POLB: variants seen among roughly 807,000 people sequenced by gnomAD.
The protein encoded by POLB is 5'-dRP lyase.
A neutral mutation model predicts 52.7 loss-of-function variants in POLB; 37 were observed. That is an observed-to-expected ratio of 0.70 (90% CI 0.54 to 0.92). The LOEUF (loss-of-function observed/expected upper bound fraction) is 0.92, where lower values mean the gene tolerates loss of function less well. Ranked by LOEUF, POLB falls within the 40% of genes least tolerant of loss-of-function variation. The pLI, the probability that POLB is intolerant of heterozygous loss-of-function variation, is 0.00. For missense variants in POLB, 313 were observed against 400.8 expected (o/e 0.78, Z 1.87); for synonymous variants, 138 against 131.3 (o/e 1.05, Z -0.35).
chr8:42,359,825 G>C (rs191633248), intron 9 of POLB, among the ~76,000 whole-genome samples: 372 of 151,828 alleles, frequency 2.5e-3, no homozygotes, highest in African/African-American at 8.7e-3. Context: ...ATTTTTGTTG[G>C]TAGGCGGACA....
chr8:42,353,359 C>T (rs567799165), intron 6 of POLB, among the ~76,000 whole-genome samples: 6 of 151,832 alleles, frequency 4.0e-5, no homozygotes, highest in Non-Finnish European at 1.5e-5. Context: ...CTGCCCACCT[C>T]GGCCTCCCAA....
intron 4 of POLB, among the ~76,000 whole-genome samples, chr8:42,349,667 C>T (rs1585882500): frequency 6.6e-6 from 1 of 152,242 alleles, no homozygotes; most frequent in African/African-American, 2.4e-5. Flanking sequence ...GGATTACAGG[C>T]ATGAGCCACC....
chr8:42,344,182 G>A (rs1035130387), intron 2 of POLB, among the ~76,000 whole-genome samples: 2 of 144,784 alleles, frequency 1.4e-5, no homozygotes, highest in Non-Finnish European at 3.0e-5. Context: ...GGTGGTTCAC[G>A]CCTGTAATCC....
intron 9 of POLB, among the ~76,000 whole-genome samples, chr8:42,359,941 A>G (rs1823570544): frequency 6.6e-6 from 1 of 151,328 alleles, no homozygotes; most frequent in African/African-American, 2.4e-5. Context: ...CATTCAGTCT[A>G]GTCTTCTTTT....
intron 9 of POLB, among the ~76,000 whole-genome samples, chr8:42,359,801 T>A (rs201839515): frequency 1.3e-5 from 2 of 152,122 alleles, no homozygotes; most frequent in South Asian, 4.1e-4. Flanking sequence ...GTTTTTTTTT[T>A]AATAAAGTGA....
chr8:42,363,477 G>A (rs1000062336), intron 11 of POLB, among the ~76,000 whole-genome samples: 2 of 131,186 alleles, frequency 1.5e-5, no homozygotes, highest in Non-Finnish European at 3.1e-5. Flanking sequence ...GCACTGAGCC[G>A]AGATCGCACC....
Position 42,361,298 on chromosome 8 carries a change from CAG to C in POLB, c.557_558del (p.Glu186ValfsTer4), listed in dbSNP as rs1453231676. 6.2e-7 allele frequency: 1 copy of C among 1,608,304 alleles called. No homozygotes were observed. The highest frequency in any genetic ancestry group is 8.5e-7 in the Non-Finnish European group (1 of 1,174,892). ...TATGTGTCTTCTGTCATCACAGGTG[CAG>C]AGTCCAGTGGTGACATGGATGTTCT... is the stretch of plus-strand genomic sequence containing the variant. On this transcript the variant is annotated frameshift_variant, in exon 10 of 14. Coordinates refer to ENST00000265421, the MANE Select transcript of POLB (RefSeq NM_002690.3). LOFTEE classifies it high-confidence loss of function.
chr8:42,348,574 T>A (rs1029896450), intron 3 of POLB, among the ~76,000 whole-genome samples: 49 of 152,138 alleles, frequency 3.2e-4, no homozygotes, highest in Admixed American at 3.1e-3. Context: ...AACTCTAGGG[T>A]GGGACTTACA....
chr8:42,370,259 G>GTTTTTTTTTTTTTTTT (rs34271342), intron 13 of POLB: 9 of 259,968 alleles, frequency 3.5e-5, no homozygotes, highest in Non-Finnish European at 4.5e-5. Flanking sequence ...ATCTAAAAGG[G>GTTTTTTTTTTTTTTTT]TTTTTTTTTT....
intron 11 of POLB, chr8:42,368,862 C>T (rs1219935294): frequency 6.5e-6 from 1 of 153,510 alleles, no homozygotes; most frequent in African/African-American, 2.4e-5. Flanking sequence ...AGAGTATCTT[C>T]TGTTATTACT....
intron 2 of POLB, 77 bp downstream of exon 2, chr8:42,339,146 G>T: frequency 9.2e-7 from 1 of 1,091,978 alleles, no homozygotes; most frequent in Non-Finnish European, 1.4e-6. Flanking sequence ...AGGACTGAGG[G>T]CCCAGTGGAT....
Position 42,371,766 on chromosome 8 carries a change from GC to G in POLB, c.*110del. 1.5e-6 allele frequency: 1 copy of G among 676,652 alleles called. No homozygotes were observed. The highest frequency in any genetic ancestry group is 2.7e-6 in the Non-Finnish European group (1 of 368,592). 41.9% of individuals were successfully genotyped at this position (676,652 alleles called of 1,614,324 possible). The stretch of plus-strand genomic sequence containing the variant: ...TTTTAAATGATTGTTTCTTCTTCAT[GC>G]TTTTGCTTGCAATGTAGTCAATAAA... On this transcript the variant is annotated 3_prime_UTR_variant, in exon 14 of 14. Coordinates refer to ENST00000265421, the MANE Select transcript of POLB (RefSeq NM_002690.3).
intron 2 of POLB, among the ~76,000 whole-genome samples, chr8:42,343,247 G>A (rs1357384560): frequency 1.2e-4 from 18 of 147,944 alleles, no homozygotes; most frequent in African/African-American, 3.7e-4. Flanking sequence ...GCATGAACCC[G>A]GGAGGCGGAG....
At chr8:42,346,729 TA>T (rs1455952249) in intron 3 of POLB, among the ~76,000 whole-genome samples, 1 of 152,134 alleles carries the variant, frequency 6.6e-6, no homozygotes, top group African/African-American at 2.4e-5. Flanking sequence ...TTCAGAGTCA[TA>T]ACATTACCAT....
At chr8:42,355,968 A>G (rs919894703) in intron 7 of POLB, among the ~76,000 whole-genome samples, 1 of 152,226 alleles carries the variant, frequency 6.6e-6, no homozygotes, top group Non-Finnish European at 1.5e-5. Flanking sequence ...AAGGTAGGAC[A>G]TGAATATGAA....
At chr8:42,358,689 G>GGA (rs955959961) in intron 9 of POLB, among the ~76,000 whole-genome samples, 2 of 152,064 alleles carry the variant, frequency 1.3e-5, no homozygotes, top group African/African-American at 4.8e-5. Flanking sequence ...ATCTAGAGTT[G>GGA]GAGAGAGAAA....
At chr8:42,338,707 G>A in intron 1 of POLB, 22 bp downstream of exon 1, 1 of 1,609,808 alleles carries the variant, frequency 6.2e-7, no homozygotes, top group Non-Finnish European at 8.5e-7. Context: ...GCCGGGCCCC[G>A]CTGGCTTTCT....
chr8:42,371,637 C>G lies in POLB; in HGVS notation c.988C>G (p.Pro330Ala). 2 of 1,610,958 alleles carry G rather than the reference C, an allele frequency of 1.2e-6. No homozygotes were observed. Among genetic ancestry groups the G allele is most frequent in the Non-Finnish European group, 1.7e-6 (2 of 1,177,276 alleles). The change falls in exon 14 of 14, where the codon CCC becomes GCC. Residue 330 changes from proline to alanine, a missense_variant. Pro to Ala is a conservative substitution (Grantham distance 27, BLOSUM62 -1). Coordinates refer to ENST00000265421, the MANE Select transcript of POLB (RefSeq NM_002690.3). ...TTACATCCAGTGGAAATACCGGGAA[C>G]CCAAGGACCGGAGCGAATGAGGCCT... ...FDYIQWKYRE[P>A]KDRSE
intron 2 of POLB, among the ~76,000 whole-genome samples, chr8:42,344,334 T>G (rs1036886691): frequency 2.0e-5 from 3 of 151,380 alleles, no homozygotes; most frequent in African/African-American, 4.9e-5. Flanking sequence ...CCAGGCATGG[T>G]GGCGGGTACC....
Sources: gnomAD v4.1 joint callset for allele counts (sites outside exome capture counted in the v4.1 genomes callset) on GRCh38, gnomAD v4.1.1 for gene constraint, MANE v1.5 for transcripts, NCBI Gene and HGNC (gene_info 2026-07-23, HGNC 2026-07-21) for gene names.